Variants in BTNL9 observed in about 807,000 individuals in gnomAD.
BTNL9 encodes the protein butyrophilin-like protein 9.
Under a neutral mutation model 45.8 loss-of-function variants are expected in BTNL9, and 45 were observed. The ratio of observed to expected loss-of-function variants is 0.98; its 90% CI spans 0.77 to 1.26. The LOEUF (loss-of-function observed/expected upper bound fraction) is 1.26, where lower values mean the gene tolerates loss of function less well. BTNL9 is among the 50% of genes most tolerant of loss of function. The pLI is 0.00. For missense variants in BTNL9, 784 were observed against 729.7 expected (o/e 1.07, Z -0.86); for synonymous variants, 346 against 330.8 (o/e 1.05, Z -0.50).
At chr5:181,056,042 T>A (rs1334916190) in intron 9 of BTNL9, 27 bp downstream of exon 9, 2 of 1,613,386 alleles carry the variant, frequency 1.2e-6, no homozygotes, top group South Asian at 2.2e-5. Context: ...TCTCTCTGAC[T>A]CCTCCTCATT....
At chr5:181,047,784 G>T (rs893286570) in intron 2 of BTNL9, 143 bp from the exon 3 acceptor site, 42 of 810,784 alleles carry the variant, frequency 5.2e-5, no homozygotes, top group Non-Finnish European at 7.2e-5. Context: ...CTTGTTCAAG[G>T]ATCTAGGCCA....
chr5:181,054,624 CA>C (rs1342772158), intron 7 of BTNL9: 67 of 985,254 alleles, frequency 6.8e-5, no homozygotes, highest in Non-Finnish European at 7.8e-5. Context: ...AATAATTTCT[CA>C]GATCCACTTT....
In BTNL9 at chr5:181,055,178, C is replaced by T. The variant is rs1026613943; in HGVS notation, c.908-255C>T. 1.2e-5 allele frequency: 16 copies of T among 1,336,576 alleles called. No homozygotes were observed. The highest frequency in any genetic ancestry group is 1.5e-5 in the Non-Finnish European group (16 of 1,042,964). 82.8% of individuals were successfully genotyped at this position (1,336,576 alleles called of 1,614,324 possible). On this transcript the variant is annotated intron_variant, in intron 7 of 10. Transcript: ENST00000327705. This position sits in a 1 kb window ranked among gnomAD's most constrained non-coding sequence, Gnocchi z 4.4. ...AACCCTGGGAAGAGGCCTGTCAGTA[C>T]TAAGATCTGGTATCCCTTCTAGGCT... is the stretch of plus-strand genomic sequence containing the variant.
chr5:181,050,197 C>A lies in BTNL9; in HGVS notation c.564C>A (p.Asp188Glu). The change falls in exon 4 of 11, where the codon GAC (aspartate) becomes GAA (glutamate). Residue 188 changes from aspartate (D) to glutamate (E), a missense_variant. Physicochemically the swap from Asp to Glu is conservative, Grantham distance 45. Coordinates refer to ENST00000327705, the MANE Select transcript of BTNL9 (RefSeq NM_152547.5). The surrounding 1 kb of genome is among the most constrained non-coding windows in gnomAD (Gnocchi z 4.9). The stretch of plus-strand genomic sequence containing the variant: ...CCAAGCCTAAGGTTCAGTGGAGAGA[C>A]CACCAGGGACAGTGCCTGCCTCCAG... ...WYPKPKVQWR[D>E]HQGQCLPPEF... The A allele has an allele frequency of 6.2e-7, 1 of 1,614,076 alleles. No homozygotes were observed. Among genetic ancestry groups the A allele is most frequent in the Non-Finnish European group, 8.5e-7 (1 of 1,180,036 alleles).
chr5:181,048,947 TATATA>T (rs1761385924), intron 3 of BTNL9, among the ~76,000 whole-genome samples: 1 of 144,216 alleles, frequency 6.9e-6, no homozygotes, highest in African/African-American at 2.5e-5. Flanking sequence ...ATATATATAA[TATATA>T]ATATATTGAG....
At chr5:181,054,557 C>A in intron 7 of BTNL9, 1 of 985,404 alleles carries the variant, frequency 1.0e-6, no homozygotes, top group Non-Finnish European at 1.2e-6. Flanking sequence ...ATATCCTTTT[C>A]TTTTTAATGC....
Position 181,053,632 on chromosome 5 carries a change from A to G in BTNL9, c.886+131A>G, listed in dbSNP as rs1275020306. ...TCAGGGCGGCCACCGGGGAACGGGGATCGGTGACCCCGGTGGGGAAGGGGG... is the reference window on the plus strand; with the variant it reads ...TCAGGGCGGCCACCGGGGAACGGGGGTCGGTGACCCCGGTGGGGAAGGGGG... On this transcript the variant is annotated intron_variant, in intron 6 of 10. Coordinates refer to ENST00000327705, the MANE Select transcript of BTNL9 (RefSeq NM_152547.5). This position sits in a 1 kb window ranked among gnomAD's most constrained non-coding sequence, Gnocchi z 6.5. The G allele has an allele frequency of 1.9e-6, 3 of 1,543,964 alleles. No individual in the cohort carries two copies. The East Asian group carries it at 7.4e-5, about 38-fold the overall frequency.
chr5:181,045,396 G>A lies in BTNL9; in HGVS notation c.-23-71G>A, dbSNP rs983481475. ...ATAACTGAGGCCACAACAGACTTCA[G>A]GTCTGATGGAGTGAGTTCCAGCTCC... On this transcript the variant is annotated intron_variant, in intron 1 of 10. Transcript: ENST00000327705. 7.4e-6 allele frequency: 6 copies of A among 805,872 alleles called. No homozygotes were observed. In the Admixed American group the frequency reaches 1.1e-4, roughly 15 times the overall value. The allele number at this position is 805,872 out of a possible 1,614,324, so 49.9% of individuals were successfully genotyped here.
At position 181,048,119 on chromosome 5, in the gene BTNL9, G is replaced by A. The variant is rs141394896; in HGVS notation, c.302G>A (p.Arg101Gln). 28 of 1,613,474 alleles carry A rather than the reference G, an allele frequency of 1.7e-5. No individual in the cohort carries two copies. The highest frequency in any genetic ancestry group is 4.5e-5 in the East Asian group (2 of 44,880). The change falls in exon 3 of 11, where the codon CGG becomes CAG. Residue 101 changes from arginine (R) to glutamine (Q), a missense_variant. Transcript: ENST00000327705. Reference protein sequence around the residue: ...ELPGRQMPAFRNRTKLVKDDI... With the variant: ...ELPGRQMPAFQNRTKLVKDDI... ...CCTGGCAGGCAGATGCCGGCGTTCCGGAACAGGACCAAGTTGGTCAAGGAC... is the reference window on the plus strand; with the variant it reads ...CCTGGCAGGCAGATGCCGGCGTTCCAGAACAGGACCAAGTTGGTCAAGGAC...
In BTNL9 at chr5:181,053,389, C is replaced by G; in HGVS notation, c.853+73C>G. 6.5e-7 allele frequency: 1 copy of G among 1,527,996 alleles called. No individual in the cohort carries two copies. The highest frequency in any genetic ancestry group is 2.5e-5 in the East Asian group (1 of 40,426). 94.7% of individuals were successfully genotyped at this position (1,527,996 alleles called of 1,614,324 possible). A position where few individuals can be genotyped will look rare whatever the true frequency, so the allele number is the denominator to read the frequency against. On this transcript the variant is annotated intron_variant, in intron 5 of 10. Coordinates refer to ENST00000327705, the MANE Select transcript of BTNL9 (RefSeq NM_152547.5). This position sits in a 1 kb window ranked among gnomAD's most constrained non-coding sequence, Gnocchi z 6.5. Reference sequence around the variant, plus strand: ...ACCCCGGGGCCGCGGAGGCGCCTCCCCCCAGGACGCGGCGCGGGAAGGCGG... The same window carrying G: ...ACCCCGGGGCCGCGGAGGCGCCTCCGCCCAGGACGCGGCGCGGGAAGGCGG...
intron 3 of BTNL9, among the ~76,000 whole-genome samples, chr5:181,049,585 C>T (rs147296262): frequency 4.4e-4 from 67 of 152,282 alleles, no homozygotes; most frequent in African/African-American, 1.6e-3. Flanking sequence ...GGAAGGATGG[C>T]GCTTTTTTCC....
At position 181,059,937 on chromosome 5, in the gene BTNL9, G is replaced by T. The variant is rs1415838046; in HGVS notation, c.*75G>T. On this transcript the variant is annotated 3_prime_UTR_variant, in exon 11 of 11. Coordinates refer to ENST00000327705, the MANE Select transcript of BTNL9 (RefSeq NM_152547.5). ...GGCCAGCGCTTTGCTCTCCTGCTCCGTCTGAAGGGAGCAGGTGCACCAGCC... is the reference window on the plus strand; with the variant it reads ...GGCCAGCGCTTTGCTCTCCTGCTCCTTCTGAAGGGAGCAGGTGCACCAGCC... The T allele has an allele frequency of 1.5e-6, 2 of 1,314,026 alleles. No individual in the cohort carries two copies. The highest frequency in any genetic ancestry group is 3.0e-5 in the African/African-American group (2 of 67,188). 81.4% of individuals were successfully genotyped at this position (1,314,026 alleles called of 1,614,324 possible). A position where few individuals can be genotyped will look rare whatever the true frequency, so the allele number is the denominator to read the frequency against.
Position 181,055,401 on chromosome 5 carries a change from G to A in BTNL9, c.908-32G>A, listed in dbSNP as rs1431595844. ...GGAAGATGGTTCCACCCACCTGCAG[G>A]CTGAAGTTTTCTTTGTGTGTTCTGC... On this transcript the variant is annotated intron_variant, in intron 7 of 10. Coordinates refer to ENST00000327705, the MANE Select transcript of BTNL9 (RefSeq NM_152547.5). The surrounding 1 kb of genome is among the most constrained non-coding windows in gnomAD (Gnocchi z 4.4). 3 of 1,614,010 alleles carry A rather than the reference G, an allele frequency of 1.9e-6. No homozygotes were observed. The highest frequency in any genetic ancestry group is 1.6e-4 in the Middle Eastern group (1 of 6,082).
intron 4 of BTNL9, among the ~76,000 whole-genome samples, chr5:181,051,967 A>G (rs60572815): frequency 0.013 from 2,022 of 152,246 alleles, 49 homozygotes; most frequent in African/African-American, 0.046. Flanking sequence ...GGGCAAAGCC[A>G]GGGGCCTGAG....
intron 9 of BTNL9, 76 bp downstream of exon 9, chr5:181,056,091 A>C: frequency 6.5e-7 from 1 of 1,532,216 alleles, no homozygotes; most frequent in Non-Finnish European, 9.0e-7. Flanking sequence ...CTGATTAACC[A>C]ATCAGGCTTC....
chr5:181,048,008 A>G lies in BTNL9; in HGVS notation c.191A>G (p.Gln64Arg). Residue 64 changes from glutamine (Q) to arginine (R), a missense_variant, in exon 3 of 11, where the codon CAG becomes CGG. Transcript: ENST00000327705. ...EVEFPCHLWP[Q>R]LDAQQMEIRW... ...GAGTTCCCGTGCCACCTATGGCCAC[A>G]GCTGGATGCCCAGCAAATGGAGATC... The G allele has an allele frequency of 6.2e-7, 1 of 1,613,844 alleles. No homozygotes were observed. The highest frequency in any genetic ancestry group is 1.1e-5 in the South Asian group (1 of 91,082).
chr5:181,049,128 G>A (rs1274174646), intron 3 of BTNL9, among the ~76,000 whole-genome samples: 1 of 151,674 alleles, frequency 6.6e-6, no homozygotes. Flanking sequence ...TTCAAAGTTG[G>A]AAAGCTCCCG....
Position 181,047,936 on chromosome 5 carries a change from T to C in BTNL9, c.119T>C (p.Val40Ala). The C allele has an allele frequency of 6.2e-7, 1 of 1,613,612 alleles. No individual in the cohort carries two copies. Among genetic ancestry groups the C allele is most frequent in the South Asian group, 1.1e-5 (1 of 91,036 alleles). ...TGACTTGTCATCCTAGAGGTCAAGGTGCTAGGCCCTGAGTATCCCATCCTG... is the reference window on the plus strand; with the variant it reads ...TGACTTGTCATCCTAGAGGTCAAGGCGCTAGGCCCTGAGTATCCCATCCTG... ...QPGEPSSEVKVLGPEYPILAL... is the reference protein window; with the variant it reads ...QPGEPSSEVKALGPEYPILAL... Residue 40 changes from valine to alanine, a missense_variant, in exon 3 of 11, where the codon GTG (valine) becomes GCG (alanine). By Grantham distance (64) the Val-to-Ala change is moderately conservative (BLOSUM62 0). Transcript: ENST00000327705.
rs543007670 is a variant in BTNL9 at position 181,053,447 on chromosome 5, C to G, written c.854-22C>G. 6.6e-5 allele frequency: 103 copies of G among 1,560,394 alleles called. No individual in the cohort carries two copies. The African/African-American group carries it at 1.3e-3, about 19-fold the overall frequency. Reference sequence around the variant, plus strand: ...GGGGCGGGGGCGCGCACTCAGCCCTCTCCGCTCCCGTTTCCCTTCAGAAAA... The same window carrying G: ...GGGGCGGGGGCGCGCACTCAGCCCTGTCCGCTCCCGTTTCCCTTCAGAAAA... On this transcript the variant is annotated intron_variant, in intron 5 of 10. Transcript: ENST00000327705. This position sits in a 1 kb window ranked among gnomAD's most constrained non-coding sequence, Gnocchi z 6.5.
Sources: gnomAD v4.1 joint callset for allele counts (sites outside exome capture counted in the v4.1 genomes callset) on GRCh38, gnomAD v4.1.1 for gene constraint, Gnocchi (gnomAD v3.1) non-coding constraint, MANE v1.5 for transcripts, NCBI Gene and HGNC (gene_info 2026-07-23, HGNC 2026-07-21) for gene names.